ST6GALNAC3: variants seen among roughly 807,000 people sequenced by gnomAD.
ST6GALNAC3 encodes ST6 N-acetylgalactosaminide alpha-2,6-sialyltransferase 3.
A neutral mutation model predicts 32.7 loss-of-function variants in ST6GALNAC3; 25 were observed. That is an observed-to-expected ratio of 0.76 (90% CI 0.56 to 1.07). The LOEUF is 1.07. Among genes scored for constraint, ST6GALNAC3 ranks in the 50% least tolerant of loss-of-function variants. The probability of loss-of-function intolerance (pLI) is 0.00; values close to 1 mark genes in which losing one functional copy is unlikely to be tolerated. For synonymous variants in ST6GALNAC3, 129 were observed against 133.1 expected, an observed-to-expected ratio of 0.97 and a Z score of 0.21; for missense variants, 355 against 382.4, an observed-to-expected ratio of 0.93 and a Z score of 0.60.
chr1:76,119,329 G>A (rs1016222843), intron 1 of ST6GALNAC3, among the ~76,000 whole-genome samples: 3 of 152,164 alleles, frequency 2.0e-5, no homozygotes, highest in Admixed American at 1.3e-4. Flanking sequence ...GGAATTCCTC[G>A]TGAATAATTG....
chr1:76,364,303 C>T (rs1650196874), intron 2 of ST6GALNAC3, among the ~76,000 whole-genome samples: 1 of 152,170 alleles, frequency 6.6e-6, no homozygotes, highest in African/African-American at 2.4e-5. Context: ...AATCCCAGCA[C>T]TTTGGGAGGC....
chr1:76,353,258 C>G (rs1178840248), intron 2 of ST6GALNAC3, among the ~76,000 whole-genome samples: 1 of 152,152 alleles, frequency 6.6e-6, no homozygotes, highest in Non-Finnish European at 1.5e-5. Flanking sequence ...GCTGTTTCCT[C>G]TCCCTGTACG....
At chr1:76,268,891 G>A (rs2100749628) in intron 1 of ST6GALNAC3, among the ~76,000 whole-genome samples, 1 of 152,200 alleles carries the variant, frequency 6.6e-6, no homozygotes, top group South Asian at 2.1e-4. Flanking sequence ...CCTCGCCGTG[G>A]CCCTCTCCCA....
intron 3 of ST6GALNAC3, among the ~76,000 whole-genome samples, chr1:76,607,607 C>A (rs1213907236): frequency 6.6e-6 from 1 of 152,180 alleles, no homozygotes; most frequent in East Asian, 1.9e-4. Flanking sequence ...CCCTATCACT[C>A]AGGAAATTAC....
At chr1:76,609,785 C>T (rs664678) in intron 3 of ST6GALNAC3, among the ~76,000 whole-genome samples, 87,859 of 151,510 alleles carry the variant, frequency 0.58, 26,236 homozygotes, top group East Asian at 0.82. Flanking sequence ...ACCTGTCCCC[C>T]CTCCTTCATA....
At chr1:76,154,684 A>G (rs771855041) in intron 1 of ST6GALNAC3, among the ~76,000 whole-genome samples, 3 of 152,156 alleles carry the variant, frequency 2.0e-5, no homozygotes, top group Non-Finnish European at 4.4e-5. Context: ...ACAGGAGATG[A>G]GGACTTGACT....
intron 1 of ST6GALNAC3, among the ~76,000 whole-genome samples, chr1:76,194,823 C>T (rs2100517742): frequency 6.6e-6 from 1 of 152,230 alleles, no homozygotes; most frequent in African/African-American, 2.4e-5. Flanking sequence ...AGGTTAGTTG[C>T]GATGTGAAAT....
rs1308733442 is a variant in ST6GALNAC3, at chr1:76,509,047, G to C, written c.623+96630G>C. Among the ~76,000 whole-genome samples, 1 of 152,122 alleles carries C rather than the reference G, an allele frequency of 6.6e-6. No homozygotes were observed. The highest frequency in any genetic ancestry group is 1.5e-5 in the Non-Finnish European group (1 of 68,026). On this transcript the variant is annotated intron_variant, in intron 3 of 4. Transcript: ENST00000328299. The surrounding 1 kb of genome is among the most constrained non-coding windows in gnomAD (Gnocchi z 5.5). The stretch of plus-strand genomic sequence containing the variant: ...CTAACATGAGTCTAAGAGTTGAACA[G>C]CTTGTCATTTTTCAACTCGTCGATA...
chr1:76,257,576 C>T (rs767249814), intron 1 of ST6GALNAC3, among the ~76,000 whole-genome samples: 3 of 152,214 alleles, frequency 2.0e-5, no homozygotes, highest in East Asian at 1.9e-4. Context: ...TTAGTTGTGC[C>T]GTTCAGTAAT....
rs1245279950 is a variant in ST6GALNAC3, at chr1:76,630,814, G to GT, written c.*2015dup. On this transcript the variant is annotated 3_prime_UTR_variant, in exon 5 of 5. Coordinates refer to ENST00000328299, the MANE Select transcript of ST6GALNAC3 (RefSeq NM_152996.4). ...CAATTTTTAATTCTATGAATGTTAA[G>GT]TTTTTTTGAGCTAATGATAGATAGA... The GT allele has an allele frequency of 1.4e-5, 14 of 985,358 alleles. No homozygotes were observed. The African/African-American group carries it at 2.1e-4, about 15-fold the overall frequency. The allele number at this position is 985,358 out of a possible 1,614,324, so 61.0% of individuals were successfully genotyped here.
downstream of ST6GALNAC3, among the ~76,000 whole-genome samples, chr1:76,636,318 C>T (rs1471397618): frequency 1.3e-5 from 2 of 152,104 alleles, no homozygotes; most frequent in Non-Finnish European, 2.9e-5. Flanking sequence ...TAGATGTGCC[C>T]TCACCTCTGA....
intron 3 of ST6GALNAC3, among the ~76,000 whole-genome samples, chr1:76,545,611 T>G (rs114414700): frequency 1.9e-3 from 288 of 152,244 alleles, no homozygotes; most frequent in African/African-American, 6.5e-3. Flanking sequence ...CCTCACCTTA[T>G]GTAAACATTA....
At chr1:76,367,420 A>T (rs61771498) in intron 2 of ST6GALNAC3, among the ~76,000 whole-genome samples, 6,686 of 152,158 alleles carry the variant, frequency 0.044, 210 homozygotes, top group African/African-American at 0.084. Flanking sequence ...TGATCTATTT[A>T]TCTGGATCCT....
chr1:76,314,638 C>G (rs766531862), intron 2 of ST6GALNAC3, among the ~76,000 whole-genome samples: 6 of 152,136 alleles, frequency 3.9e-5, no homozygotes, highest in Non-Finnish European at 8.8e-5. Context: ...TGCAAGCAAG[C>G]ATTTGTCTCA....
chr1:76,108,811 A>C (rs1407887356), intron 1 of ST6GALNAC3, among the ~76,000 whole-genome samples: 7 of 152,034 alleles, frequency 4.6e-5, no homozygotes, highest in African/African-American at 1.7e-4. Context: ...AGTCTTGGTC[A>C]TTTTGAAAAT....
chr1:76,172,465 A>G (rs1335883097), intron 1 of ST6GALNAC3, among the ~76,000 whole-genome samples: 2 of 152,214 alleles, frequency 1.3e-5, no homozygotes, highest in South Asian at 2.1e-4. Context: ...CCTGTTCACC[A>G]TAGTATTGGA....
At chr1:76,493,764 A>G (rs1347661997) in intron 3 of ST6GALNAC3, among the ~76,000 whole-genome samples, 1 of 152,114 alleles carries the variant, frequency 6.6e-6, no homozygotes, top group Non-Finnish European at 1.5e-5. Flanking sequence ...CCACTTTGTC[A>G]TTTTAACATG....
rs1656533636 is a variant in ST6GALNAC3, at chr1:76,234,399, G to A, written c.19-79406G>A. Among the ~76,000 whole-genome samples the A allele has an allele frequency of 1.3e-5, 2 of 152,196 alleles. 1 individual carries two copies. The highest frequency in any genetic ancestry group is 4.8e-5 in the African/African-American group (2 of 41,442). On this transcript the variant is annotated intron_variant, in intron 1 of 4. Coordinates refer to ENST00000328299, the MANE Select transcript of ST6GALNAC3 (RefSeq NM_152996.4). The stretch of plus-strand genomic sequence containing the variant: ...GTGTTTGCATTTTAATGCCCATTCA[G>A]AGACATTTCTCAAAGGACTGAGTCT...
chr1:76,543,682 C>A (rs568549937), intron 3 of ST6GALNAC3, among the ~76,000 whole-genome samples: 1 of 152,092 alleles, frequency 6.6e-6, no homozygotes, highest in African/African-American at 2.4e-5. Flanking sequence ...AGAACTCGCC[C>A]ACATTAGCTG....
Sources: gnomAD v4.1 joint callset for allele counts (sites outside exome capture counted in the v4.1 genomes callset) on GRCh38, gnomAD v4.1.1 for gene constraint, Gnocchi (gnomAD v3.1) non-coding constraint, MANE v1.5 for transcripts, NCBI Gene and HGNC (gene_info 2026-07-23, HGNC 2026-07-21) for gene names.